The following DYNC1H1 variants were observed in gnomAD, a reference collection of about 807,000 sequenced individuals.
DYNC1H1 encodes dynein cytoplasmic 1 heavy chain 1.
A neutral mutation model predicts 527.1 loss-of-function variants in DYNC1H1; 51 were observed. The ratio of observed to expected loss-of-function variants is 0.10; its 90% CI spans 0.08 to 0.12. The LOEUF (loss-of-function observed/expected upper bound fraction) is 0.12. DYNC1H1 is among the 10% of genes least tolerant of loss of function. The pLI is 1.00. For missense variants in DYNC1H1, 2,771 were observed against 5,971.8 expected (o/e 0.46, Z 17.66); for synonymous variants, 2,189 against 2,278.8 (o/e 0.96, Z 1.12).
rs1252610614 is a variant in DYNC1H1 at position 101,997,355 on chromosome 14, C to T, written c.3804+81C>T. On this transcript the variant is annotated intron_variant, in intron 16 of 77. Transcript: ENST00000360184. The surrounding 1 kb of genome is among the most constrained non-coding windows in gnomAD (Gnocchi z 4.8). ...TGACTTTCTTTCAAGCCTAAAAGGC[C>T]TTGCTGTGACTGAGCTTTCTAGTAT... The T allele has an allele frequency of 6.2e-7, 1 of 1,603,988 alleles. No homozygotes were observed. The highest frequency in any genetic ancestry group is 8.5e-7 in the Non-Finnish European group (1 of 1,176,078).
Position 102,041,421 on chromosome 14 carries a change from C to T in DYNC1H1, c.11942-153C>T. ...GCGTGTCCAGAGGGCTCACGGAAGG[C>T]ACAGCAGATGTGGCTGAATTTCCTG... On this transcript the variant is annotated intron_variant, in intron 64 of 77. Transcript: ENST00000360184. The surrounding 1 kb of genome is among the most constrained non-coding windows in gnomAD (Gnocchi z 4.5). The T allele has an allele frequency of 8.2e-7, 1 of 1,225,594 alleles. No homozygotes were observed. Among genetic ancestry groups the T allele is most frequent in the Non-Finnish European group, 1.2e-6 (1 of 843,204 alleles). The allele number at this position is 1,225,594 out of a possible 1,614,324, so 75.9% of individuals were successfully genotyped here. A position where few individuals can be genotyped will look rare whatever the true frequency, so the allele number is the denominator to read the frequency against.
At chr14:101,998,885 T>C (rs1039646518) in intron 16 of DYNC1H1, among the ~76,000 whole-genome samples, 10 of 145,030 alleles carry the variant, frequency 6.9e-5, no homozygotes, top group Admixed American at 1.4e-4. Context: ...TTTTCTTTTT[T>C]TTTTTTTTTT....
chr14:101,986,058 C>T lies in DYNC1H1; in HGVS notation c.1833C>T (p.Arg611=), dbSNP rs2047933360. 5 of 1,614,218 alleles carry T rather than the reference C, an allele frequency of 3.1e-6. No individual in the cohort carries two copies. The highest frequency in any genetic ancestry group is 3.4e-6 in the Non-Finnish European group (4 of 1,180,038). ...IREYQTQLIQ[R]VKDDIESLHD... ...AATACCAGACCCAGCTGATCCAGCGCGTGAAAGATGACATTGAGTCTCTTC... is the reference window on the plus strand; with the variant it reads ...AATACCAGACCCAGCTGATCCAGCGTGTGAAAGATGACATTGAGTCTCTTC... The change falls in exon 8 of 78, where the codon CGC becomes CGT. Residue 611 remains arginine, a synonymous_variant. Transcript: ENST00000360184. The surrounding 1 kb of genome is among the most constrained non-coding windows in gnomAD (Gnocchi z 8.7).
rs181900910 is a variant in DYNC1H1 at position 102,009,724 on chromosome 14, G to A, written c.5978-119G>A. 545 of 1,522,544 alleles carry A rather than the reference G, an allele frequency of 3.6e-4. 2 individuals are homozygous for A. Among genetic ancestry groups the A allele is most frequent in the Middle Eastern group, 9.1e-4 (4 of 4,384 alleles). 94.3% of individuals were successfully genotyped at this position (1,522,544 alleles called of 1,614,324 possible). A position where few individuals can be genotyped will look rare whatever the true frequency, so the allele number is the denominator to read the frequency against. On this transcript the variant is annotated intron_variant, in intron 29 of 77. Coordinates refer to ENST00000360184, the MANE Select transcript of DYNC1H1 (RefSeq NM_001376.5). Reference sequence around the variant, plus strand: ...GCCAAAGAGCAGCCCCCGAGGAAGCGTCTACTTCAGCTCCCTGGGAGAACG... The same window carrying A: ...GCCAAAGAGCAGCCCCCGAGGAAGCATCTACTTCAGCTCCCTGGGAGAACG...
Position 102,018,717 on chromosome 14 carries a change from T to C in DYNC1H1, c.8343+101T>C. On this transcript the variant is annotated intron_variant, in intron 41 of 77. Transcript: ENST00000360184. The surrounding 1 kb of genome is among the most constrained non-coding windows in gnomAD (Gnocchi z 5.2). ...GGTTCACACCTGTAATCCCAGCATTTTGGGAGGCCAAGGTGGGTGGATCCT... is the reference window on the plus strand; with the variant it reads ...GGTTCACACCTGTAATCCCAGCATTCTGGGAGGCCAAGGTGGGTGGATCCT... The C allele has an allele frequency of 2.7e-6, 4 of 1,496,938 alleles. No homozygotes were observed. Among genetic ancestry groups the C allele is most frequent in the Non-Finnish European group, 3.6e-6 (4 of 1,105,448 alleles). 92.7% of individuals were successfully genotyped at this position (1,496,938 alleles called of 1,614,324 possible).
chr14:102,036,949 T>G lies in DYNC1H1; in HGVS notation c.10908+307T>G. The G allele has an allele frequency of 2.8e-6, 1 of 356,554 alleles. No homozygotes were observed. Among genetic ancestry groups the G allele is most frequent in the Non-Finnish European group, 5.5e-6 (1 of 182,592 alleles). The allele number at this position is 356,554 out of a possible 1,614,324, so 22.1% of individuals were successfully genotyped here. A position where few individuals can be genotyped will look rare whatever the true frequency, so the allele number is the denominator to read the frequency against. On this transcript the variant is annotated intron_variant, in intron 57 of 77. Transcript: ENST00000360184. The surrounding 1 kb of genome is among the most constrained non-coding windows in gnomAD (Gnocchi z 5.6). ...CCATCTCTACAAAAAATACAAAAAT[T>G]AGCTGGTTGAGGTGGCTGGCACCTG...
In DYNC1H1 at chr14:102,012,591, G is replaced by A; in HGVS notation, c.7014+121G>A. On this transcript the variant is annotated intron_variant, in intron 34 of 77. Transcript: ENST00000360184. The surrounding 1 kb of genome is among the most constrained non-coding windows in gnomAD (Gnocchi z 4.9). ...GATTCCATGGAGTAGTGATCATTGT[G>A]TAAGTAATTTTCAAAGATAGCATCT... 2 of 1,382,838 alleles carry A rather than the reference G, an allele frequency of 1.4e-6. No individual in the cohort carries two copies. Among genetic ancestry groups the A allele is most frequent in the Non-Finnish European group, 2.0e-6 (2 of 980,410 alleles). 85.7% of individuals were successfully genotyped at this position (1,382,838 alleles called of 1,614,324 possible).
chr14:102,048,347 A>G (rs752114410), intron 73 of DYNC1H1, 169 bp from the exon 74 acceptor site: 26 of 955,288 alleles, frequency 2.7e-5, no homozygotes, highest in Non-Finnish European at 3.8e-5. Context: ...GAGCAGCCTC[A>G]GCTTCACACA....
chr14:102,003,072 C>T, intron 23 of DYNC1H1, 107 bp downstream of exon 23: 2 of 1,471,730 alleles, frequency 1.4e-6, no homozygotes, highest in Non-Finnish European at 1.9e-6. Context: ...GTTTTGACAT[C>T]AAGGATTTTG....
At position 102,018,376 on chromosome 14, in the gene DYNC1H1, GACTCCACTGGC is replaced by G; in HGVS notation, c.8178-72_8178-62del. On this transcript the variant is annotated intron_variant, in intron 40 of 77. Coordinates refer to ENST00000360184, the MANE Select transcript of DYNC1H1 (RefSeq NM_001376.5). The surrounding 1 kb of genome is among the most constrained non-coding windows in gnomAD (Gnocchi z 5.2). ...CTCCAGACAGGGCCCTGGACAGGGCGACTCCACTGGCACACTGCCCCTTCCTGGGAGGCGCT... is the reference window on the plus strand; with the variant it reads ...CTCCAGACAGGGCCCTGGACAGGGCGACACTGCCCCTTCCTGGGAGGCGCT... 6.3e-7 allele frequency: 1 copy of G among 1,576,094 alleles called. No homozygotes were observed. The highest frequency in any genetic ancestry group is 1.8e-5 in the Admixed American group (1 of 55,684).
rs756654668 is a variant in DYNC1H1, at chr14:102,047,902, G to T, written c.13092G>T (p.Thr4364=). 2.4e-5 allele frequency: 39 copies of T among 1,613,590 alleles called. No individual in the cohort carries two copies. In the Admixed American group the frequency reaches 5.8e-4, roughly 24 times the overall value. Residue 4364 remains threonine (T), a synonymous_variant, in exon 73 of 78, where the codon ACG becomes ACT. Coordinates refer to ENST00000360184, the MANE Select transcript of DYNC1H1 (RefSeq NM_001376.5). The stretch of plus-strand genomic sequence containing the variant: ...CCTACGCAGAGACTGAGAAGAAGAC[G>T]AGGACAGACTCCACGTCCGACGGGC... The part of the protein sequence containing the change: ...DLAYAETEKK[T]RTDSTSDGRP...
In DYNC1H1 at chr14:102,001,450, T is replaced by C; in HGVS notation, c.4396-85T>C. On this transcript the variant is annotated intron_variant, in intron 20 of 77. Transcript: ENST00000360184. This position sits in a 1 kb window ranked among gnomAD's most constrained non-coding sequence, Gnocchi z 5.0. ...AATGGAGCCTTGTCATCTGTGGTCC[T>C]TTTGGTTCTTATAATGCTGGGTCCC... 1 of 1,612,966 alleles carries C rather than the reference T, an allele frequency of 6.2e-7. No homozygotes were observed. The highest frequency in any genetic ancestry group is 1.1e-5 in the South Asian group (1 of 90,956).
At chr14:102,050,398 T>G in intron 77 of DYNC1H1, 37 bp from the exon 78 acceptor site, 1 of 1,614,172 alleles carries the variant, frequency 6.2e-7, no homozygotes, top group Non-Finnish European at 8.5e-7. Flanking sequence ...TTCTTACTTT[T>G]CCCTTAAGCC....
rs368437659 is a variant in DYNC1H1 at position 102,033,277 on chromosome 14, T to C, written c.10206T>C (p.Tyr3402=). ...CAATTGGTTCTTCCCAGCTTAACTA[T>C]GCAGACATGTTAAAGAGAGTGGAGC... ...MVKWAIAQLN[Y]ADMLKRVEPL... is the part of the protein sequence containing the mutation. Residue 3402 remains tyrosine, a synonymous_variant, in exon 54 of 78, where the codon TAT becomes TAC. Coordinates refer to ENST00000360184, the MANE Select transcript of DYNC1H1 (RefSeq NM_001376.5). This position sits in a 1 kb window ranked among gnomAD's most constrained non-coding sequence, Gnocchi z 5.6. 8.1e-6 allele frequency: 13 copies of C among 1,614,206 alleles called. No individual in the cohort carries two copies. The highest frequency in any genetic ancestry group is 1.6e-4 in the Middle Eastern group (1 of 6,062).
At chr14:101,968,081 C>G (rs541196890) in intron 1 of DYNC1H1, among the ~76,000 whole-genome samples, 8 of 152,280 alleles carry the variant, frequency 5.3e-5, no homozygotes, top group African/African-American at 1.4e-4. Context: ...GTTTTTGTAG[C>G]ATTTTTTACT....
chr14:102,017,503 A>C lies in DYNC1H1; in HGVS notation c.8176A>C (p.Arg2726=), dbSNP rs1285457241. 6.2e-7 allele frequency: 1 copy of C among 1,614,128 alleles called. No individual in the cohort carries two copies. Among genetic ancestry groups the C allele is most frequent in the East Asian group, 2.2e-5 (1 of 44,876 alleles). ...CCCTGGAAGAAAGCCCCTCTCACAC[A>C]GGTAAAACAGCTCGGTAGACTGCTC... ...TDPGRKPLSH[R]FLRHVPVVYV... Residue 2726 remains arginine, a splice_region_variant and synonymous_variant, in exon 40 of 78, where the codon AGG becomes CGG. Transcript: ENST00000360184. The surrounding 1 kb of genome is among the most constrained non-coding windows in gnomAD (Gnocchi z 4.6).
Position 101,986,914 on chromosome 14 carries a change from C to T in DYNC1H1, c.2538+151C>T. 5 of 992,308 alleles carry T rather than the reference C, an allele frequency of 5.0e-6. No individual in the cohort carries two copies. Among genetic ancestry groups the T allele is most frequent in the East Asian group, 2.4e-5 (1 of 41,518 alleles). The allele number at this position is 992,308 out of a possible 1,614,324, so 61.5% of individuals were successfully genotyped here. ...CTGCAAGGGAGGAGGACCCTTTGTACTCACCGGGCTATTTAATGGTGCTGG... is the reference window on the plus strand; with the variant it reads ...CTGCAAGGGAGGAGGACCCTTTGTATTCACCGGGCTATTTAATGGTGCTGG... On this transcript the variant is annotated intron_variant, in intron 8 of 77. Transcript: ENST00000360184. This position sits in a 1 kb window ranked among gnomAD's most constrained non-coding sequence, Gnocchi z 8.7.
rs1349243528 is a variant in DYNC1H1, at chr14:102,029,418, T to C, written c.9469-121T>C. On this transcript the variant is annotated intron_variant, in intron 48 of 77. Coordinates refer to ENST00000360184, the MANE Select transcript of DYNC1H1 (RefSeq NM_001376.5). The surrounding 1 kb of genome is among the most constrained non-coding windows in gnomAD (Gnocchi z 5.3). ...AAGCTGAGGCCCGACTCGAGTGTTCTGGCCCCGAGGGCCAGGCTCCTTCTA... is the reference window on the plus strand; with the variant it reads ...AAGCTGAGGCCCGACTCGAGTGTTCCGGCCCCGAGGGCCAGGCTCCTTCTA... 4.5e-6 allele frequency: 6 copies of C among 1,343,572 alleles called. No homozygotes were observed. Among genetic ancestry groups the C allele is most frequent in the Non-Finnish European group, 6.3e-6 (6 of 959,652 alleles). 83.2% of individuals were successfully genotyped at this position (1,343,572 alleles called of 1,614,324 possible).
chr14:101,983,306 TAA>T lies in DYNC1H1; in HGVS notation c.1233+17_1233+18del. On this transcript the variant is annotated intron_variant, in intron 6 of 77. Transcript: ENST00000360184. The surrounding 1 kb of genome is among the most constrained non-coding windows in gnomAD (Gnocchi z 5.3). ...ATTTGAAAAAGTAAGTTTGAATATA[TAA>T]GACAACCAACCTCAAGACATTGAGA... The T allele has an allele frequency of 6.2e-7, 1 of 1,614,230 alleles. No individual in the cohort carries two copies. Among genetic ancestry groups the T allele is most frequent in the African/African-American group, 1.3e-5 (1 of 75,064 alleles).
Sources: gnomAD v4.1 joint callset for allele counts (sites outside exome capture counted in the v4.1 genomes callset) on GRCh38, gnomAD v4.1.1 for gene constraint, Gnocchi (gnomAD v3.1) non-coding constraint, MANE v1.5 for transcripts, NCBI Gene and HGNC (gene_info 2026-07-23, HGNC 2026-07-21) for gene names.